Variants in TNNI3K observed in about 807,000 individuals in gnomAD.
The protein encoded by TNNI3K is serine/threonine-protein kinase TNNI3K.
TNNI3K carries 140 observed loss-of-function variants against 114.5 expected under a neutral mutation model. The observed-to-expected ratio is 1.22, with a 90% confidence interval of 1.07 to 1.41. The LOEUF is 1.41. Ranked by LOEUF, TNNI3K falls within the 40% of genes most tolerant of loss-of-function variation. The pLI, the probability that TNNI3K is intolerant of heterozygous loss-of-function variation, is 0.00. For missense variants in TNNI3K, 1,125 were observed against 1,007.6 expected, an observed-to-expected ratio of 1.12 and a Z score of -1.58; for synonymous variants, 347 against 347.5, an observed-to-expected ratio of 1.00 and a Z score of 0.02.
chr1:74,526,428 G>A (rs775987732), intron 23 of TNNI3K, among the ~76,000 whole-genome samples: 1 of 152,090 alleles, frequency 6.6e-6, no homozygotes, highest in Non-Finnish European at 1.5e-5. Flanking sequence ...TTAAAAGCTT[G>A]GGCTCAGATG....
chr1:74,506,796 T>A (rs1368170904), intron 23 of TNNI3K, among the ~76,000 whole-genome samples: 11 of 152,188 alleles, frequency 7.2e-5, no homozygotes, highest in Admixed American at 7.2e-4. Flanking sequence ...CTTTCTAGAT[T>A]TTTTTCCTTC....
chr1:74,445,232 T>A (rs1301709464), intron 20 of TNNI3K, among the ~76,000 whole-genome samples: 4 of 141,356 alleles, frequency 2.8e-5, no homozygotes, highest in African/African-American at 7.8e-5. Flanking sequence ...TTTTTTTTTT[T>A]ATTATACTTT....
chr1:74,457,005 C>G (rs1236618765), intron 20 of TNNI3K, among the ~76,000 whole-genome samples: 1 of 152,088 alleles, frequency 6.6e-6, no homozygotes, highest in Non-Finnish European at 1.5e-5. Context: ...TGATTATGTC[C>G]TTTTCCACAT....
rs1646761732 is a variant in TNNI3K, at chr1:74,544,300, G to A, written c.*318G>A. On this transcript the variant is annotated 3_prime_UTR_variant, in exon 25 of 25. Coordinates refer to ENST00000326637, the MANE Select transcript of TNNI3K (RefSeq NM_015978.3). ...ACAGATAATAATTATGTTTTCCTGG[G>A]CTGAATTATGTAGACTTGTGTTTGA... is the stretch of plus-strand genomic sequence containing the variant. 4.1e-6 allele frequency: 1 copy of A among 244,088 alleles called. No homozygotes were observed. The highest frequency in any genetic ancestry group is 2.3e-5 in the African/African-American group (1 of 44,042). The allele number at this position is 244,088 out of a possible 1,614,324, so 15.1% of individuals were successfully genotyped here. A position where few individuals can be genotyped will look rare whatever the true frequency, so the allele number is the denominator to read the frequency against.
chr1:74,450,222 G>A (rs1267580725), intron 20 of TNNI3K, among the ~76,000 whole-genome samples: 6 of 151,274 alleles, frequency 4.0e-5, no homozygotes, highest in African/African-American at 7.3e-5. Flanking sequence ...ACAAAGACAC[G>A]ACATACCAGA....
chr1:74,289,605 C>G (rs113160354), intron 5 of TNNI3K, among the ~76,000 whole-genome samples: 5 of 9,052 alleles, frequency 5.5e-4, no homozygotes, highest in Non-Finnish European at 9.3e-4. Context: ...AAATGGGCTA[C>G]TGAATTACAG....
In TNNI3K at chr1:74,342,849, T is replaced by C; in HGVS notation, c.690T>C (p.Ala230=). The C allele has an allele frequency of 1.2e-6, 2 of 1,613,674 alleles. No individual in the cohort carries two copies. Among genetic ancestry groups the C allele is most frequent in the Middle Eastern group, 1.7e-4 (1 of 6,052 alleles). Residue 230 remains alanine (A), a synonymous_variant, in exon 8 of 25, where the codon GCT becomes GCC. Transcript: ENST00000326637. ...CTTTCTTGCTGATAACAGTGAATGC[T>C]CAAGATAATGAAGACCATGTCCCAC... is the stretch of plus-strand genomic sequence containing the variant. ...MEEGSKADVN[A]QDNEDHVPLH...
intron 17 of TNNI3K, among the ~76,000 whole-genome samples, chr1:74,399,401 T>C (rs1193038182): frequency 2.0e-5 from 3 of 152,088 alleles, no homozygotes; most frequent in Non-Finnish European, 2.9e-5. Context: ...ATTCCTTAGG[T>C]TGAAAGGACT....
intron 21 of TNNI3K, among the ~76,000 whole-genome samples, chr1:74,479,858 G>T (rs1473059860): frequency 2.0e-5 from 3 of 152,186 alleles, no homozygotes; most frequent in Non-Finnish European, 4.4e-5. Flanking sequence ...TATACACAAG[G>T]AAACTAAAGT....
At chr1:74,260,490 C>CA (rs1655597381) in intron 4 of TNNI3K, among the ~76,000 whole-genome samples, 1 of 152,088 alleles carries the variant, frequency 6.6e-6, no homozygotes, top group Admixed American at 6.5e-5. Context: ...TTATGCTCCT[C>CA]AATTTTCTAA....
intron 19 of TNNI3K, among the ~76,000 whole-genome samples, chr1:74,438,009 G>A (rs529616293): frequency 2.7e-5 from 4 of 150,722 alleles, no homozygotes; most frequent in Admixed American, 6.6e-5. Flanking sequence ...TATTCTAGCC[G>A]CATAGTCTTT....
chr1:74,518,252 G>A (rs1646376941), intron 23 of TNNI3K, among the ~76,000 whole-genome samples: 1 of 152,156 alleles, frequency 6.6e-6, no homozygotes, highest in Non-Finnish European at 1.5e-5. Context: ...TTTTCAGTCT[G>A]GATGGCTAGA....
At position 74,370,533 on chromosome 1, in the gene TNNI3K, G is replaced by A. The variant is rs7513825; in HGVS notation, c.1772+141G>A. 14,154 of 569,610 alleles carry A rather than the reference G, an allele frequency of 0.025. 243 individuals are homozygous for A. The highest frequency in any genetic ancestry group is 0.047 in the Middle Eastern group (169 of 3,562). The allele number at this position is 569,610 out of a possible 1,614,324, so 35.3% of individuals were successfully genotyped here. ...AGGACAGGCTACCATAAGCTTAGGC[G>A]ATAGAAAGTTTTGTCATTGTCTTTT... On this transcript the variant is annotated intron_variant, in intron 17 of 24. Transcript: ENST00000326637.
chr1:74,480,914 A>C (rs1271763766), intron 21 of TNNI3K: 4 of 717,304 alleles, frequency 5.6e-6, no homozygotes, highest in Non-Finnish European at 5.2e-6. Context: ...TGTGCTCTCA[A>C]TAGAGGAGAG....
At chr1:74,326,325 TC>T (rs1659900624) in intron 5 of TNNI3K, among the ~76,000 whole-genome samples, 1 of 152,148 alleles carries the variant, frequency 6.6e-6, no homozygotes, top group South Asian at 2.1e-4. Flanking sequence ...TTCTTTTTTC[TC>T]CTTTAACCCT....
intron 23 of TNNI3K, among the ~76,000 whole-genome samples, chr1:74,513,679 T>C (rs1447770395): frequency 6.6e-6 from 1 of 152,206 alleles, no homozygotes. Context: ...TTTCAGAGTT[T>C]CATGTTTAGG....
At chr1:74,416,175 T>C in intron 17 of TNNI3K, 1 of 485,260 alleles carries the variant, frequency 2.1e-6, no homozygotes, top group South Asian at 8.9e-5. Flanking sequence ...GGGAAACCTC[T>C]TCTTGCTTTG....
chr1:74,472,213 T>C, intron 21 of TNNI3K: 1 of 716,036 alleles, frequency 1.4e-6, no homozygotes, highest in Non-Finnish European at 2.6e-6. Flanking sequence ...TGTGGAACAA[T>C]AAATGCAAGA....
intron 21 of TNNI3K, 21 bp from the exon 22 acceptor site, chr1:74,489,168 A>T (rs532782253): frequency 1.9e-6 from 3 of 1,598,372 alleles, no homozygotes; most frequent in East Asian, 2.2e-5. Context: ...AAGGGAAAAA[A>T]GTTCTTTTTT....
Sources: allele counts gnomAD v4.1 joint callset (sites outside exome capture counted in the v4.1 genomes callset), GRCh38; gene constraint gnomAD v4.1.1; transcripts MANE v1.5; gene names NCBI Gene and HGNC (gene_info 2026-07-23, HGNC 2026-07-21).